Variants in PTPRK observed in about 807,000 individuals in gnomAD.
PTPRK encodes the protein protein tyrosine phosphatase receptor type K.
A neutral mutation model predicts 178.0 loss-of-function variants in PTPRK; 75 were observed. The observed-to-expected ratio is 0.42, with a 90% CI of 0.35 to 0.51. PTPRK has a LOEUF of 0.51. PTPRK is among the 20% of genes least tolerant of loss of function. PTPRK has a pLI of 0.02. For missense variants in PTPRK, 1,441 were observed against 1,797.8 expected, an observed-to-expected ratio of 0.80 and a Z score of 3.59; for synonymous variants, 637 against 620.6, an observed-to-expected ratio of 1.03 and a Z score of -0.39.
intron 3 of PTPRK, among the ~76,000 whole-genome samples, chr6:128,291,043 A>G (rs1004158463): frequency 6.6e-6 from 1 of 152,176 alleles, no homozygotes; most frequent in East Asian, 1.9e-4. Context: ...ATGCTGTTAC[A>G]TGGCAAGGAG....
chr6:128,003,142 A>T (rs1778028733), intron 15 of PTPRK: 13 of 1,505,866 alleles, frequency 8.6e-6, no homozygotes, highest in Non-Finnish European at 1.2e-5. Flanking sequence ...GGGCAAACCC[A>T]TGCAAGGAGG....
At chr6:128,133,780 T>A (rs990673004) in intron 7 of PTPRK, among the ~76,000 whole-genome samples, 1 of 152,012 alleles carries the variant, frequency 6.6e-6, no homozygotes, top group Non-Finnish European at 1.5e-5. Flanking sequence ...CTCGAACTCT[T>A]GGGCTCAAGT....
chr6:128,450,251 T>G (rs1396554812), intron 1 of PTPRK, among the ~76,000 whole-genome samples: 1 of 152,202 alleles, frequency 6.6e-6, no homozygotes, highest in African/African-American at 2.4e-5. Context: ...TGCACACAGT[T>G]ATGACAATGA....
intron 2 of PTPRK, among the ~76,000 whole-genome samples, chr6:128,354,231 G>GATTTTTT (rs1562341681): frequency 2.0e-5 from 1 of 49,358 alleles, no homozygotes; most frequent in Non-Finnish European, 3.2e-5. Context: ...TTTTGTTTAT[G>GATTTTTT]TTTTTTTTTT....
intron 13 of PTPRK, among the ~76,000 whole-genome samples, chr6:128,017,727 C>A (rs142799128): frequency 0.06 from 8,287 of 138,628 alleles, 290 homozygotes; most frequent in Non-Finnish European, 0.072. Context: ...CTCTCTCTCT[C>A]TCTATATATA....
intron 1 of PTPRK, among the ~76,000 whole-genome samples, chr6:128,498,503 G>A (rs1855064193): frequency 6.6e-6 from 1 of 152,250 alleles, no homozygotes; most frequent in African/African-American, 2.4e-5. Flanking sequence ...AGCAAGATGA[G>A]GCTAAGGGAA....
chr6:128,078,363 T>C (rs540599298), intron 11 of PTPRK, among the ~76,000 whole-genome samples: 8 of 152,046 alleles, frequency 5.3e-5, no homozygotes, highest in Non-Finnish European at 1.2e-4. Context: ...CTCCAATGAA[T>C]GTATCTTTGA....
At chr6:128,284,290 C>T (rs1188906706) in intron 3 of PTPRK, among the ~76,000 whole-genome samples, 3 of 152,190 alleles carry the variant, frequency 2.0e-5, no homozygotes, top group African/African-American at 7.2e-5. Context: ...TGCCTTTCAT[C>T]CTGGTCATCT....
At chr6:128,113,860 A>G (rs140446174) in intron 7 of PTPRK, among the ~76,000 whole-genome samples, 1,813 of 152,298 alleles carry the variant, frequency 0.012, 32 homozygotes, top group Middle Eastern at 0.044. Flanking sequence ...ACATGTATAC[A>G]TAAGTGCACA....
At chr6:128,410,510 T>C (rs760679953) in intron 1 of PTPRK, among the ~76,000 whole-genome samples, 1 of 152,258 alleles carries the variant, frequency 6.6e-6, no homozygotes, top group Admixed American at 6.5e-5. Flanking sequence ...AACATAGTCA[T>C]GTTTTCAAGA....
At chr6:128,175,583 T>C (rs972648978) in intron 7 of PTPRK, among the ~76,000 whole-genome samples, 16 of 151,694 alleles carry the variant, frequency 1.1e-4, no homozygotes, top group African/African-American at 3.9e-4. Flanking sequence ...ATGATGGCAA[T>C]TACAATAAGC....
chr6:128,363,828 G>A (rs1472807908), intron 2 of PTPRK, among the ~76,000 whole-genome samples: 1 of 152,114 alleles, frequency 6.6e-6, no homozygotes, highest in Non-Finnish European at 1.5e-5. Flanking sequence ...AGAATTTTCT[G>A]TCTTTACTTC....
At chr6:128,349,358 T>C (rs1324496792) in intron 2 of PTPRK, among the ~76,000 whole-genome samples, 1 of 152,228 alleles carries the variant, frequency 6.6e-6, no homozygotes, top group Non-Finnish European at 1.5e-5. Context: ...TGGTTTATAA[T>C]TGAATGTACA....
chr6:128,224,082 T>C (rs1810871247), intron 5 of PTPRK, among the ~76,000 whole-genome samples: 2 of 152,198 alleles, frequency 1.3e-5, no homozygotes, highest in East Asian at 3.8e-4. Context: ...ATAGGCTCTT[T>C]ATTCTGCTTT....
intron 1 of PTPRK, among the ~76,000 whole-genome samples, chr6:128,403,579 T>G (rs972606335): frequency 2.2e-5 from 3 of 135,148 alleles, no homozygotes; most frequent in South Asian, 2.1e-4. Flanking sequence ...CCCAACACAG[T>G]TTTTTTTTTG....
intron 13 of PTPRK, among the ~76,000 whole-genome samples, chr6:128,036,538 T>C (rs563454574): frequency 1.3e-4 from 20 of 152,330 alleles, no homozygotes; most frequent in Admixed American, 3.3e-4. Flanking sequence ...CTAAAATTAA[T>C]ACACATATCT....
At chr6:128,082,689 T>C in intron 9 of PTPRK, 51 bp from the exon 10 acceptor site, 1 of 1,379,608 alleles carries the variant, frequency 7.2e-7, no homozygotes, top group Non-Finnish European at 1.0e-6. Context: ...CATAAGAAAC[T>C]GTAAATAAAC....
At chr6:128,047,967 C>T (rs1286849500) in intron 13 of PTPRK, among the ~76,000 whole-genome samples, 2 of 152,038 alleles carry the variant, frequency 1.3e-5, no homozygotes, top group African/African-American at 4.8e-5. Context: ...TTTCTGAACA[C>T]CATATCCTGA....
At chr6:128,023,797 G>A (rs1383259546) in intron 13 of PTPRK, among the ~76,000 whole-genome samples, 13 of 151,780 alleles carry the variant, frequency 8.6e-5, no homozygotes, top group South Asian at 2.1e-4. Context: ...GGGACTATAG[G>A]GACATGCCAC....
Sources: allele counts gnomAD v4.1 joint callset (sites outside exome capture counted in the v4.1 genomes callset), GRCh38; gene constraint gnomAD v4.1.1; transcripts MANE v1.5; gene names NCBI Gene and HGNC (gene_info 2026-07-23, HGNC 2026-07-21).